AP1G1: variants seen among roughly 807,000 people sequenced by gnomAD.
The protein encoded by AP1G1 is adaptor related protein complex 1 subunit gamma 1, also known as AP-1 complex subunit gamma-1.
In AP1G1, 7 loss-of-function variants were observed where a neutral mutation model predicts 108.3. That is an observed-to-expected ratio of 0.06 (90% CI 0.04 to 0.12). AP1G1 has a LOEUF of 0.12. Ranked by LOEUF, AP1G1 falls within the 10% of genes least tolerant of loss-of-function variation. The pLI is 1.00. For missense variants in AP1G1, 756 were observed against 1,010.7 expected, an observed-to-expected ratio of 0.75 and a Z score of 3.42; for synonymous variants, 379 against 353.5, an observed-to-expected ratio of 1.07 and a Z score of -0.81.
Position 71,753,809 on chromosome 16 carries a change from T to C in AP1G1, c.1284+24A>G, listed in dbSNP as rs9933587. On this transcript the variant is annotated intron_variant, in intron 13 of 22. Transcript: ENST00000299980. ...TCAGTATATCCCAGCACTTCGTATA[T>C]GCTGTCTGAAAGAAGCTACTTACCG... is the stretch of plus-strand genomic sequence containing the variant. 7.1e-3 allele frequency: 11,331 copies of C among 1,607,080 alleles called. 711 individuals carry two copies. In the African/African-American group the frequency reaches 0.13, roughly 19 times the overall value.
At chr16:71,806,855 A>G (rs2033013678) in intron 1 of AP1G1, 1 of 405,746 alleles carries the variant, frequency 2.5e-6, no homozygotes, top group African/African-American at 2.2e-5. Context: ...AACTGAAAAT[A>G]TTGTTTTCTT....
intron 13 of AP1G1, among the ~76,000 whole-genome samples, chr16:71,751,688 A>G (rs1449191321): frequency 6.6e-6 from 1 of 152,208 alleles, no homozygotes; most frequent in Non-Finnish European, 1.5e-5. Context: ...TTTGTATAAT[A>G]AGACTACTTC....
At chr16:71,760,632 C>G (rs1271178592) in intron 10 of AP1G1, among the ~76,000 whole-genome samples, 1 of 151,998 alleles carries the variant, frequency 6.6e-6, no homozygotes, top group Non-Finnish European at 1.5e-5. Flanking sequence ...GCAGCTTTAA[C>G]CTCCTGGGTT....
intron 1 of AP1G1, among the ~76,000 whole-genome samples, chr16:71,791,541 C>A (rs888367556): frequency 9.9e-5 from 15 of 151,696 alleles, no homozygotes; most frequent in Non-Finnish European, 1.6e-4. Flanking sequence ...AAAAGTTAGC[C>A]AAACATAGTG....
chr16:71,766,381 ACAC>A (rs2031314174), intron 6 of AP1G1: 1 of 465,122 alleles, frequency 2.1e-6, no homozygotes, highest in African/African-American at 2.0e-5. Context: ...AAGAGTCCTA[ACAC>A]ATAGTAAAGG....
rs112468756 is a variant in AP1G1, at chr16:71,766,577, C to T, written c.643-993G>A. On this transcript the variant is annotated intron_variant, in intron 6 of 22. Transcript: ENST00000299980. ...ACCAAAAATTAAGTTAAATAGTGTG[C>T]AAAGTGAATTGCATTCCATCTCTTT... 589 of 318,634 alleles carry T rather than the reference C, an allele frequency of 1.8e-3. 9 individuals are homozygous for T. Among genetic ancestry groups the T allele is most frequent in the African/African-American group, 0.012 (547 of 45,578 alleles). The allele number at this position is 318,634 out of a possible 1,614,324, so 19.7% of individuals were successfully genotyped here.
chr16:71,798,481 G>A (rs1379936953), intron 1 of AP1G1, among the ~76,000 whole-genome samples: 1 of 152,024 alleles, frequency 6.6e-6, no homozygotes, highest in Non-Finnish European at 1.5e-5. Context: ...TTACAGGCAT[G>A]AGCCACTGCA....
intron 17 of AP1G1, among the ~76,000 whole-genome samples, chr16:71,746,290 G>C (rs931212185): frequency 1.3e-5 from 2 of 152,126 alleles, no homozygotes; most frequent in Non-Finnish European, 2.9e-5. Flanking sequence ...GATTACAGGC[G>C]TGAGCCACCA....
chr16:71,734,582 G>A, intron 22 of AP1G1, 27 bp downstream of exon 22: 1 of 1,540,868 alleles, frequency 6.5e-7, no homozygotes. Context: ...CTTCGGCTCA[G>A]ATATTGGCTA....
intron 13 of AP1G1, among the ~76,000 whole-genome samples, chr16:71,750,687 A>G (rs1404731666): frequency 6.6e-6 from 1 of 151,398 alleles, no homozygotes; most frequent in East Asian, 2.0e-4. Flanking sequence ...AAGTGCTGGG[A>G]TTACAGGCGT....
chr16:71,759,803 AAAAT>A (rs1418432893), intron 10 of AP1G1, among the ~76,000 whole-genome samples: 7 of 151,728 alleles, frequency 4.6e-5, no homozygotes, highest in African/African-American at 4.8e-5. Context: ...TATAAAATAT[AAAAT>A]AAATAGAAGT....
At chr16:71,800,372 CAAA>C (rs1204514110) in intron 1 of AP1G1, among the ~76,000 whole-genome samples, 12 of 62,670 alleles carry the variant, frequency 1.9e-4, no homozygotes, top group Non-Finnish European at 1.5e-4. Context: ...CTCCCCATCT[CAAA>C]AAAAAAAAAA....
At chr16:71,756,638 T>C (rs541352090) in intron 11 of AP1G1, among the ~76,000 whole-genome samples, 1 of 152,102 alleles carries the variant, frequency 6.6e-6, no homozygotes, top group African/African-American at 2.4e-5. Context: ...ATGCAGAAAA[T>C]TCAAATTAAA....
chr16:71,775,049 G>T (rs2031729409), intron 2 of AP1G1, among the ~76,000 whole-genome samples: 1 of 125,070 alleles, frequency 8.0e-6, no homozygotes, highest in African/African-American at 3.1e-5. Context: ...TTTTGAGATG[G>T]GGTTTTTGCT....
intron 2 of AP1G1, among the ~76,000 whole-genome samples, chr16:71,784,356 T>A (rs965625839): frequency 1.3e-5 from 2 of 152,154 alleles, no homozygotes; most frequent in African/African-American, 4.8e-5. Context: ...TGCTCTTCCA[T>A]CTTGGCAATA....
intron 1 of AP1G1, among the ~76,000 whole-genome samples, chr16:71,807,342 G>A (rs2033029865): frequency 6.6e-6 from 1 of 152,258 alleles, no homozygotes; most frequent in Non-Finnish European, 1.5e-5. Context: ...TGAGGCAGGA[G>A]AACTGCTTGA....
Position 71,794,835 on chromosome 16 carries a change from C to CTTTTCTTTTTT in AP1G1, c.-3-5354_-3-5353insAAAAAAGAAAA, listed in dbSNP as rs2032522793. Among the ~76,000 whole-genome samples, 81 of 39,662 alleles carry CTTTTCTTTTTT rather than the reference C, an allele frequency of 2.0e-3. 3 individuals carry two copies. Among genetic ancestry groups the CTTTTCTTTTTT allele is most frequent in the African/African-American group, 8.2e-3 (78 of 9,552 alleles). The allele number at this position is 39,662 out of a possible 152,430, so 26.0% of individuals were successfully genotyped here. ...TACCATTCTCAGGCCATGAGAAGTGCTTTTTTTTTTTTTTTTTTTTTTTTT... is the reference window on the plus strand; with the variant it reads ...TACCATTCTCAGGCCATGAGAAGTGCTTTTCTTTTTTTTTTTTTTTTTTTTTTTTTTTTTTT... On this transcript the variant is annotated intron_variant, in intron 1 of 22. Transcript: ENST00000299980.
At chr16:71,745,916 T>C (rs1379674827) in intron 17 of AP1G1, among the ~76,000 whole-genome samples, 3 of 152,178 alleles carry the variant, frequency 2.0e-5, no homozygotes, top group Admixed American at 6.5e-5. Flanking sequence ...GTCAAGAAGA[T>C]ACTGTATAAT....
intron 2 of AP1G1, among the ~76,000 whole-genome samples, chr16:71,775,631 C>T (rs951939): frequency 0.34 from 51,884 of 151,858 alleles, 9,668 homozygotes; most frequent in East Asian, 0.76. Context: ...AATACACCAA[C>T]CCATACTAAC....
Sources: gnomAD v4.1 joint callset for allele counts (sites outside exome capture counted in the v4.1 genomes callset) on GRCh38, gnomAD v4.1.1 for gene constraint, MANE v1.5 for transcripts, NCBI Gene and HGNC (gene_info 2026-07-23, HGNC 2026-07-21) for gene names.